Variants in MTM1 observed in about 807,000 individuals in gnomAD.
The protein encoded by MTM1 is myotubularin.
In MTM1, 9 loss-of-function variants were observed where a neutral mutation model predicts 52.1. The observed-to-expected ratio is 0.17, with a 90% CI of 0.10 to 0.30. The LOEUF (loss-of-function observed/expected upper bound fraction) is 0.30. Among genes scored for constraint, MTM1 ranks in the 10% least tolerant of loss-of-function variants. The pLI, the probability that MTM1 is intolerant of heterozygous loss-of-function variation, is 1.00. For synonymous variants in MTM1, 136 were observed against 163.8 expected, an observed-to-expected ratio of 0.83 and a Z score of 1.29; for missense variants, 277 against 470.7, an observed-to-expected ratio of 0.59 and a Z score of 3.81.
At chrX:150,599,358 T>G (rs973925662) in intron 4 of MTM1, among the ~76,000 whole-genome samples, 13 of 110,943 alleles carry the variant, frequency 1.2e-4, no homozygotes, top group Non-Finnish European at 1.9e-4. Flanking sequence ...GAAGAGAGAG[T>G]GAGTAGCTGC....
At chrX:150,612,058 G>A (rs2039289985) in intron 4 of MTM1, among the ~76,000 whole-genome samples, 1 of 110,396 alleles carries the variant, frequency 9.1e-6, no homozygotes, top group African/African-American at 3.3e-5. Context: ...AGCCAGGTGC[G>A]ATGGCATGTA....
At chrX:150,612,527 ATC>A (rs1381347125) in intron 4 of MTM1, among the ~76,000 whole-genome samples, 1 of 110,151 alleles carries the variant, frequency 9.1e-6, no homozygotes, top group Non-Finnish European at 1.9e-5. Flanking sequence ...CCCCCCCACC[ATC>A]TCTACAAAAA....
intron 6 of MTM1, among the ~76,000 whole-genome samples, chrX:150,638,006 C>A (rs1182044313): frequency 2.7e-5 from 3 of 112,619 alleles, no homozygotes; most frequent in Non-Finnish European, 5.6e-5. Context: ...TTGAGAAGTA[C>A]AAAGATGAAA....
At chrX:150,583,245 A>T (rs1228614343) in intron 1 of MTM1, among the ~76,000 whole-genome samples, 2 of 66,466 alleles carry the variant, frequency 3.0e-5, no homozygotes, top group Non-Finnish European at 4.9e-5. Flanking sequence ...ATAAATTATA[A>T]ATTTATATAA....
chrX:150,627,544 C>G (rs1432828575), intron 6 of MTM1, among the ~76,000 whole-genome samples: 1 of 111,559 alleles, frequency 9.0e-6, no homozygotes, highest in Non-Finnish European at 1.9e-5. Flanking sequence ...TTTATAATCT[C>G]TTCTTCTGTG....
At chrX:150,613,575 G>A (rs1334141285) in intron 4 of MTM1, among the ~76,000 whole-genome samples, 3 of 111,926 alleles carry the variant, frequency 2.7e-5, no homozygotes, top group Non-Finnish European at 5.6e-5. Flanking sequence ...CTTTTAATGT[G>A]TGTTTTCAGG....
intron 4 of MTM1, among the ~76,000 whole-genome samples, chrX:150,601,466 T>C (rs1261415574): frequency 8.9e-6 from 1 of 112,584 alleles, no homozygotes; most frequent in Non-Finnish European, 1.9e-5. Flanking sequence ...CAAAAAGCTG[T>C]CATCTCACTG....
At chrX:150,623,801 T>C (rs1191515524) in intron 6 of MTM1, among the ~76,000 whole-genome samples, 2 of 111,437 alleles carry the variant, frequency 1.8e-5, no homozygotes, top group African/African-American at 3.3e-5. Context: ...GGAGGTAACA[T>C]AAGCCTGATT....
chrX:150,567,173 C>T (rs1434540937), upstream of MTM1, among the ~76,000 whole-genome samples: 2 of 111,089 alleles, frequency 1.8e-5, no homozygotes, highest in Non-Finnish European at 3.8e-5. Context: ...GCATCAAGTT[C>T]CCTGGAACTA....
chrX:150,642,714 G>T (rs892355437), intron 8 of MTM1, among the ~76,000 whole-genome samples: 2 of 111,349 alleles, frequency 1.8e-5, no homozygotes, highest in African/African-American at 6.5e-5. Context: ...AGGGTAGCCT[G>T]GCTCAGTTTT....
rs1429001708 is a variant in MTM1 at position 150,599,051 on chromosome X, A to T, written c.231+365A>T. ...AAAAGTTAAAAATAAAAAAATACAGATGTCCTGGATAGACTGCATCAGAAT... is the reference window on the plus strand; with the variant it reads ...AAAAGTTAAAAATAAAAAAATACAGTTGTCCTGGATAGACTGCATCAGAAT... On this transcript the variant is annotated intron_variant, in intron 4 of 14. Coordinates refer to ENST00000370396, the MANE Select transcript of MTM1 (RefSeq NM_000252.3). Among the ~76,000 whole-genome samples the T allele has an allele frequency of 1.9e-4, 21 of 111,868 alleles. No homozygotes were observed. The Admixed American group carries it at 2.0e-3, about 11-fold the overall frequency.
intron 6 of MTM1, among the ~76,000 whole-genome samples, chrX:150,634,846 T>C (rs1256020843): frequency 8.9e-6 from 1 of 112,305 alleles, no homozygotes; most frequent in African/African-American, 3.2e-5. Context: ...GATTTACTTC[T>C]TGTGAATCTA....
intron 8 of MTM1, among the ~76,000 whole-genome samples, chrX:150,645,051 G>C (rs1557413937): frequency 8.9e-6 from 1 of 111,912 alleles, no homozygotes; most frequent in African/African-American, 3.2e-5. Context: ...GGCAACCAGG[G>C]AGCAAATGTG....
chrX:150,583,932 T>TA (rs1394040669), intron 1 of MTM1, among the ~76,000 whole-genome samples: 2 of 52,468 alleles, frequency 3.8e-5, no homozygotes, highest in African/African-American at 6.8e-5. Context: ...ATATATTAAA[T>TA]TAAAATATAT....
intron 10 of MTM1, among the ~76,000 whole-genome samples, chrX:150,652,664 C>CATATATAT (rs2040045778): frequency 6.8e-5 from 3 of 43,919 alleles, no homozygotes; most frequent in African/African-American, 5.6e-4. Flanking sequence ...TATATACACA[C>CATATATAT]ACACACACAC....
At chrX:150,659,434 GA>G (rs1557414586) in intron 11 of MTM1, among the ~76,000 whole-genome samples, 1 of 111,563 alleles carries the variant, frequency 9.0e-6, no homozygotes, top group East Asian at 2.8e-4. Flanking sequence ...CTAGGATGAT[GA>G]TTCTTTGGCA....
intron 6 of MTM1, among the ~76,000 whole-genome samples, chrX:150,621,719 A>G (rs2039484737): frequency 9.0e-6 from 1 of 111,570 alleles, no homozygotes; most frequent in African/African-American, 3.3e-5. Context: ...TTTCCAGGCC[A>G]TATGTGTGTG....
chrX:150,648,869 A>G (rs1173985158), intron 9 of MTM1, among the ~76,000 whole-genome samples: 1 of 112,821 alleles, frequency 8.9e-6, no homozygotes, highest in Non-Finnish European at 1.9e-5. Flanking sequence ...GGTTTAGTAG[A>G]AAAAGTTCGA....
intron 4 of MTM1, among the ~76,000 whole-genome samples, chrX:150,598,888 C>T (rs1188280989): frequency 8.9e-6 from 1 of 112,098 alleles, no homozygotes; most frequent in Non-Finnish European, 1.9e-5. Flanking sequence ...TAAAAAAAGT[C>T]TTATCCCTCA....
Sources: gnomAD v4.1 joint callset for allele counts (sites outside exome capture counted in the v4.1 genomes callset) on GRCh38, gnomAD v4.1.1 for gene constraint, MANE v1.5 for transcripts, NCBI Gene and HGNC (gene_info 2026-07-23, HGNC 2026-07-21) for gene names.